Variants in TMEM143 observed in about 807,000 individuals in gnomAD.
TMEM143 encodes the protein transmembrane protein 143.
Under a neutral mutation model 40.3 loss-of-function variants are expected in TMEM143, and 45 were observed. The ratio of observed to expected loss-of-function variants is 1.12; its 90% confidence interval spans 0.88 to 1.43. The LOEUF is 1.43. Among genes scored for constraint, TMEM143 ranks in the 40% most tolerant of loss-of-function variants. TMEM143 has a pLI of 0.00. For synonymous variants in TMEM143, 299 were observed against 282.7 expected, an observed-to-expected ratio of 1.06 and a Z score of -0.58; for missense variants, 620 against 613.4, an observed-to-expected ratio of 1.01 and a Z score of -0.11.
intron 3 of TMEM143, among the ~76,000 whole-genome samples, chr19:48,349,994 T>C (rs1969727211): frequency 7.7e-6 from 1 of 129,158 alleles, no homozygotes; most frequent in Admixed American, 1.1e-4. Context: ...GTGTCTACAT[T>C]TAATTTTTTT....
intron 3 of TMEM143, among the ~76,000 whole-genome samples, chr19:48,350,354 T>TTCCAGG (rs1969738161): frequency 1.3e-5 from 2 of 151,868 alleles, no homozygotes; most frequent in South Asian, 4.1e-4. Context: ...TAACGGACAG[T>TTCCAGG]TCCAGGCTAG....
chr19:48,343,113 G>C, intron 5 of TMEM143: 2 of 734,248 alleles, frequency 2.7e-6, no homozygotes, highest in Non-Finnish European at 4.3e-6. Context: ...GGGGAGAACT[G>C]TCCCCATCCT....
Position 48,334,019 on chromosome 19 carries a change from C to T in TMEM143, c.1154G>A (p.Gly385Asp). ...GGGCCACGTCCTACCTTCGGGCGAG[C>T]CTTGAGTGCCCCCTGGCCGCCGGGC... ...FLARRPGGTQ[G>D]SPEETSRWLR... The change falls in exon 7 of 8, where the codon GGC becomes GAC. Residue 385 changes from glycine to aspartate, a missense_variant. Coordinates refer to ENST00000293261, the MANE Select transcript of TMEM143 (RefSeq NM_018273.4). 2.6e-6 allele frequency: 4 copies of T among 1,553,186 alleles called. No homozygotes were observed. Among genetic ancestry groups the T allele is most frequent in the Non-Finnish European group, 2.6e-6 (3 of 1,152,312 alleles).
intron 3 of TMEM143, among the ~76,000 whole-genome samples, chr19:48,357,951 G>A (rs1438196553): frequency 6.6e-6 from 1 of 151,906 alleles, no homozygotes; most frequent in Admixed American, 6.6e-5. Context: ...GGATGGGGGT[G>A]AGGGACTACA....
In TMEM143 at chr19:48,333,253, GGCTCGGAAGTGATCGGA is replaced by G; in HGVS notation, c.1329_1345del (p.Ile445AlafsTer7). 1 of 1,500,538 alleles carries G rather than the reference GGCTCGGAAGTGATCGGA, an allele frequency of 6.7e-7. No homozygotes were observed. The highest frequency in any genetic ancestry group is 1.3e-5 in the South Asian group (1 of 77,528). The allele number at this position is 1,500,538 out of a possible 1,614,324, so 93.0% of individuals were successfully genotyped here. On this transcript the variant is annotated frameshift_variant, in exon 8 of 8. Transcript: ENST00000293261. LOFTEE classifies it low-confidence loss of function (END_TRUNC). This position sits in a 1 kb window ranked among gnomAD's most constrained non-coding sequence, Gnocchi z 4.1. ...GTTACTGCTGGGCGTGGCTTGCGGG[GGCTCGGAAGTGATCGGA>G]GCCACTGGGTCTAGTTTGGGGAAAC...
At chr19:48,357,408 C>T (rs1332230503) in intron 3 of TMEM143, among the ~76,000 whole-genome samples, 4 of 138,992 alleles carry the variant, frequency 2.9e-5, no homozygotes, top group Non-Finnish European at 6.0e-5. Flanking sequence ...AGCTGGAGTG[C>T]GGTGGCGCAA....
At chr19:48,355,998 C>A (rs1482942656) in intron 3 of TMEM143, among the ~76,000 whole-genome samples, 1 of 152,336 alleles carries the variant, frequency 6.6e-6, no homozygotes, top group Admixed American at 6.5e-5. Flanking sequence ...GTACTGCTTG[C>A]GTGTTGTCAC....
chr19:48,362,227 T>C (rs2147391777), intron 2 of TMEM143, among the ~76,000 whole-genome samples: 1 of 152,238 alleles, frequency 6.6e-6, no homozygotes, highest in South Asian at 2.1e-4. Context: ...CAGTAGGTGT[T>C]CAGTAAATAA....
At position 48,345,241 on chromosome 19, in the gene TMEM143, C is replaced by T. The variant is rs1243595568; in HGVS notation, c.483G>A (p.Leu161=). The part of the protein sequence containing the change: ...QEVLRALEPL[L]AQANFSPLSE... The stretch of plus-strand genomic sequence containing the variant: ...ACAGCGGGGAGAAGTTGGCCTGGGC[C>T]AGCAGGGGCTCCAGAGCCCGAAGCA... Residue 161 remains leucine, a synonymous_variant, in exon 4 of 8, where the codon CTG becomes CTA. Coordinates refer to ENST00000293261, the MANE Select transcript of TMEM143 (RefSeq NM_018273.4). 3 of 1,613,152 alleles carry T rather than the reference C, an allele frequency of 1.9e-6. No individual in the cohort carries two copies. In the Admixed American group the frequency reaches 5.0e-5, roughly 27 times the overall value.
At chr19:48,347,869 T>TAA (rs1555886653) in intron 3 of TMEM143, among the ~76,000 whole-genome samples, 1 of 146,296 alleles carries the variant, frequency 6.8e-6, no homozygotes, top group Non-Finnish European at 1.5e-5. Flanking sequence ...TTTTTTTTTT[T>TAA]AATTAGCCAG....
rs749874263 is a variant in TMEM143 at position 48,345,403 on chromosome 19, G to A, written c.370-49C>T. Reference sequence around the variant, plus strand: ...AAGATGGGATAGGTCTCTGCATGAAGGATTCTAGGGACATCTAAGGACATC... The same window carrying A: ...AAGATGGGATAGGTCTCTGCATGAAAGATTCTAGGGACATCTAAGGACATC... On this transcript the variant is annotated intron_variant, in intron 3 of 7. Coordinates refer to ENST00000293261, the MANE Select transcript of TMEM143 (RefSeq NM_018273.4). 12 of 1,364,050 alleles carry A rather than the reference G, an allele frequency of 8.8e-6. No individual in the cohort carries two copies. The East Asian group carries it at 3.2e-4, about 37-fold the overall frequency. 84.5% of individuals were successfully genotyped at this position (1,364,050 alleles called of 1,614,324 possible). A position where few individuals can be genotyped will look rare whatever the true frequency, so the allele number is the denominator to read the frequency against.
chr19:48,335,076 T>C (rs1969337589), intron 6 of TMEM143, among the ~76,000 whole-genome samples: 1 of 152,192 alleles, frequency 6.6e-6, no homozygotes, highest in Non-Finnish European at 1.5e-5. Context: ...ATCCTTATGT[T>C]TTAGAGACAT....
At chr19:48,350,592 T>C (rs2147375108) in intron 3 of TMEM143, among the ~76,000 whole-genome samples, 1 of 152,202 alleles carries the variant, frequency 6.6e-6, no homozygotes, top group Non-Finnish European at 1.5e-5. Flanking sequence ...ACACAGCACC[T>C]GGCACCGGGC....
Position 48,333,245 on chromosome 19 carries a change from C to T in TMEM143, c.1354G>A (p.Ala452Thr), listed in dbSNP as rs1340147875. 6.7e-7 allele frequency: 1 copy of T among 1,490,980 alleles called. No homozygotes were observed. Among genetic ancestry groups the T allele is most frequent in the South Asian group, 1.3e-5 (1 of 75,624 alleles). 92.4% of individuals were successfully genotyped at this position (1,490,980 alleles called of 1,614,324 possible). Reference protein sequence around the residue: ...VAPITSEPPQATPSSNIS With the variant: ...VAPITSEPPQTTPSSNIS ...CAGGAGATGTTACTGCTGGGCGTGGCTTGCGGGGGCTCGGAAGTGATCGGA... is the reference window on the plus strand; with the variant it reads ...CAGGAGATGTTACTGCTGGGCGTGGTTTGCGGGGGCTCGGAAGTGATCGGA... Residue 452 changes from alanine to threonine, a missense_variant, in exon 8 of 8, where the codon GCC becomes ACC. Coordinates refer to ENST00000293261, the MANE Select transcript of TMEM143 (RefSeq NM_018273.4). The surrounding 1 kb of genome is among the most constrained non-coding windows in gnomAD (Gnocchi z 4.1).
intron 2 of TMEM143, among the ~76,000 whole-genome samples, chr19:48,361,140 C>T (rs1441435839): frequency 6.6e-6 from 1 of 151,768 alleles, no homozygotes; most frequent in East Asian, 1.9e-4. Flanking sequence ...CTGGAAAAGT[C>T]ATTTGGTAAG....
At chr19:48,361,775 C>A (rs1299826762) in intron 2 of TMEM143, among the ~76,000 whole-genome samples, 1 of 151,910 alleles carries the variant, frequency 6.6e-6, no homozygotes, top group Non-Finnish European at 1.5e-5. Flanking sequence ...GATCTGCCCG[C>A]CTCGGCCTCC....
chr19:48,352,830 T>C (rs1969807197), intron 3 of TMEM143, among the ~76,000 whole-genome samples: 1 of 152,012 alleles, frequency 6.6e-6, no homozygotes, highest in South Asian at 2.1e-4. Context: ...TTGTCCAAGC[T>C]GGTCTCAAAC....
intron 4 of TMEM143, 29 bp from the exon 5 acceptor site, chr19:48,343,480 G>A (rs1345209727): frequency 5.8e-6 from 9 of 1,551,832 alleles, no homozygotes; most frequent in African/African-American, 1.4e-5. Context: ...AAGCAGTGGC[G>A]GGTGAACATG....
rs1023946942 is a variant in TMEM143, at chr19:48,333,577, G to A, written c.1166-144C>T. ...GAGTGATCTTGAGGCTTGGAGGGGA[G>A]CGGAACAAGGCCCAGGAGGGTCGAG... On this transcript the variant is annotated intron_variant, in intron 7 of 7. Transcript: ENST00000293261. This position sits in a 1 kb window ranked among gnomAD's most constrained non-coding sequence, Gnocchi z 4.1. The A allele has an allele frequency of 1.2e-5, 7 of 568,480 alleles. No individual in the cohort carries two copies. Among genetic ancestry groups the A allele is most frequent in the Non-Finnish European group, 2.1e-5 (7 of 328,822 alleles). The allele number at this position is 568,480 out of a possible 1,614,324, so 35.2% of individuals were successfully genotyped here.
Sources: gnomAD v4.1 joint callset for allele counts (sites outside exome capture counted in the v4.1 genomes callset) on GRCh38, gnomAD v4.1.1 for gene constraint, Gnocchi (gnomAD v3.1) non-coding constraint, MANE v1.5 for transcripts, NCBI Gene and HGNC (gene_info 2026-07-23, HGNC 2026-07-21) for gene names.